The following RIMBP2 variants were observed in gnomAD, a reference collection of about 807,000 sequenced individuals.
RIMBP2 encodes the protein RIMS binding protein 2.
A neutral mutation model predicts 118.6 loss-of-function variants in RIMBP2; 48 were observed. The ratio of observed to expected loss-of-function variants is 0.40; its 90% CI spans 0.32 to 0.51. The LOEUF is 0.51. Among genes scored for constraint, RIMBP2 ranks in the 20% least tolerant of loss-of-function variants. RIMBP2 has a pLI of 0.41. For synonymous variants in RIMBP2, 762 were observed against 742.9 expected, an observed-to-expected ratio of 1.03 and a Z score of -0.42; for missense variants, 1,551 against 1,768.3, an observed-to-expected ratio of 0.88 and a Z score of 2.20.
In RIMBP2 at chr12:130,532,772, C is replaced by T. The variant is rs1466642943; in HGVS notation, c.-216-14855G>A. Among the ~76,000 whole-genome samples the T allele has an allele frequency of 1.6e-3, 162 of 103,738 alleles. No homozygotes were observed. In the Middle Eastern group the frequency reaches 0.022, roughly 14 times the overall value. The allele number at this position is 103,738 out of a possible 152,430, so 68.1% of individuals were successfully genotyped here. On this transcript the variant is annotated intron_variant, in intron 2 of 22. Coordinates refer to ENST00000690449, the MANE Select transcript of RIMBP2 (RefSeq NM_001393629.1). ...TTACATCTAATGAGATGCGTGTGTT[C>T]AGCCTCTAGGAGTTACGTCTAATGA...
At position 130,441,942 on chromosome 12, in the gene RIMBP2, C is replaced by T; in HGVS notation, c.1410G>A (p.Lys470=). 6.2e-7 allele frequency: 1 copy of T among 1,614,082 alleles called. No homozygotes were observed. Among genetic ancestry groups the T allele is most frequent in the Non-Finnish European group, 8.5e-7 (1 of 1,180,046 alleles). ...GCATCTGGTGGGGTTTGGCCAGAAC[C>T]TTCACCTTATAGGCCATGTTGGGCC... ...NLRPNMAYKV[K]VLAKPHQMPW... is the part of the protein sequence containing the mutation. Residue 470 remains lysine, a synonymous_variant, in exon 11 of 23, where the codon AAG becomes AAA. Transcript: ENST00000690449.
chr12:130,547,940 A>C (rs2055340776), intron 2 of RIMBP2, among the ~76,000 whole-genome samples: 1 of 152,188 alleles, frequency 6.6e-6, no homozygotes, highest in Non-Finnish European at 1.5e-5. Context: ...TGCCTACTGA[A>C]TGTCTTGTAA....
At chr12:130,522,921 AGAG>A (rs1229280795) in intron 2 of RIMBP2, among the ~76,000 whole-genome samples, 1 of 152,122 alleles carries the variant, frequency 6.6e-6, no homozygotes, top group Non-Finnish European at 1.5e-5. Flanking sequence ...GGGCTTTCTA[AGAG>A]GAGGACGATC....
At chr12:130,671,521 C>T (rs888070443) in intron 1 of RIMBP2, among the ~76,000 whole-genome samples, 2 of 152,218 alleles carry the variant, frequency 1.3e-5, no homozygotes, top group South Asian at 2.1e-4. Context: ...AGCCTATCCC[C>T]AGTGCCTAGA....
intron 20 of RIMBP2, among the ~76,000 whole-genome samples, chr12:130,406,499 C>T (rs2075185521): frequency 1.3e-5 from 2 of 152,160 alleles, no homozygotes; most frequent in African/African-American, 4.8e-5. Flanking sequence ...AGATTATTAC[C>T]ATGTTCTACT....
intron 2 of RIMBP2, among the ~76,000 whole-genome samples, chr12:130,598,856 C>T (rs1167470984): frequency 6.6e-6 from 1 of 152,020 alleles, no homozygotes; most frequent in Non-Finnish European, 1.5e-5. Flanking sequence ...CATAAATAGA[C>T]CCACAAATGT....
At chr12:130,521,684 A>G (rs1020051216) in intron 2 of RIMBP2, among the ~76,000 whole-genome samples, 1 of 152,194 alleles carries the variant, frequency 6.6e-6, no homozygotes, top group Non-Finnish European at 1.5e-5. Flanking sequence ...TGACTCCCAC[A>G]CTGCTGGGAC....
chr12:130,421,691 ATGTGTGTGTGTGTG>A (rs35161782), intron 17 of RIMBP2, among the ~76,000 whole-genome samples: 17 of 147,296 alleles, frequency 1.2e-4, no homozygotes, highest in Non-Finnish European at 1.9e-4. Context: ...CTGCATTTAT[ATGTGTGTGTGTGTG>A]TGTGTGTGTG....
rs188477979 is a variant in RIMBP2, at chr12:130,406,408, C to A, written c.3694-165G>T. ...GCTAATGAATGGCTCTGTCCACAGT[C>A]TTCTAGAAAGTAAGAACAAACCAAG... is the stretch of plus-strand genomic sequence containing the variant. On this transcript the variant is annotated intron_variant, in intron 20 of 22. Transcript: ENST00000690449. 5.3e-5 allele frequency among the ~76,000 whole-genome samples: 8 copies of A among 152,296 alleles called. No homozygotes were observed. The East Asian group carries it at 7.7e-4, about 15-fold the overall frequency.
At chr12:130,412,914 C>T (rs949222733) in intron 18 of RIMBP2, 127 bp from the exon 19 acceptor site, 20 of 919,386 alleles carry the variant, frequency 2.2e-5, no homozygotes, top group Non-Finnish European at 2.7e-5. Context: ...TACCATAAAT[C>T]ACCTGCATAG....
chr12:130,506,296 AT>A (rs1236393060), intron 4 of RIMBP2, among the ~76,000 whole-genome samples: 3 of 152,168 alleles, frequency 2.0e-5, no homozygotes, highest in Non-Finnish European at 4.4e-5. Context: ...GCAGCTTAAA[AT>A]TCCTGAAGTT....
intron 22 of RIMBP2, chr12:130,398,678 A>C (rs1362804194): frequency 6.6e-6 from 1 of 152,570 alleles, no homozygotes; most frequent in African/African-American, 2.4e-5. Context: ...TTCAGAGCCA[A>C]CACTCGATCA....
Position 130,684,578 on chromosome 12 carries a change from G to A in RIMBP2, c.-352+31644C>T, listed in dbSNP as rs143835633. ...GTGTTTCCAGGCTGTAGATGTTTAC[G>A]GTTAAGATAACAGTTTGATAACATT... On this transcript the variant is annotated intron_variant, in intron 1 of 22. Coordinates refer to ENST00000690449, the MANE Select transcript of RIMBP2 (RefSeq NM_001393629.1). 3.3e-3 allele frequency among the ~76,000 whole-genome samples: 509 copies of A among 152,250 alleles called. 4 individuals are homozygous for A. Among genetic ancestry groups the A allele is most frequent in the African/African-American group, 0.012 (482 of 41,542 alleles).
chr12:130,561,605 A>G (rs1221426469), intron 2 of RIMBP2, among the ~76,000 whole-genome samples: 1 of 152,140 alleles, frequency 6.6e-6, no homozygotes, highest in Non-Finnish European at 1.5e-5. Flanking sequence ...TGAATCACAT[A>G]CAGAATACGG....
At chr12:130,546,938 C>A (rs986230682) in intron 2 of RIMBP2, among the ~76,000 whole-genome samples, 1 of 152,198 alleles carries the variant, frequency 6.6e-6, no homozygotes, top group Non-Finnish European at 1.5e-5. Flanking sequence ...TGTGAGATGA[C>A]TCCTCCACTG....
At chr12:130,679,678 A>G (rs529103692) in intron 1 of RIMBP2, among the ~76,000 whole-genome samples, 4 of 152,362 alleles carry the variant, frequency 2.6e-5, no homozygotes, top group Non-Finnish European at 4.4e-5. Context: ...TAAAAAACAA[A>G]CACTCTGTAC....
At chr12:130,573,121 A>G (rs7307029) in intron 2 of RIMBP2, among the ~76,000 whole-genome samples, 70,377 of 152,008 alleles carry the variant, frequency 0.46, 17,154 homozygotes, top group Middle Eastern at 0.58. Flanking sequence ...TCAGTGAAGC[A>G]ACACTGCAGG....
At chr12:130,582,570 A>G (rs1241290806) in intron 2 of RIMBP2, among the ~76,000 whole-genome samples, 1 of 152,244 alleles carries the variant, frequency 6.6e-6, no homozygotes, top group Non-Finnish European at 1.5e-5. Context: ...GCCAGCTTAG[A>G]GATGGTTGTG....
chr12:130,458,263 ATTC>A (rs375963441), intron 6 of RIMBP2, among the ~76,000 whole-genome samples: 295 of 152,286 alleles, frequency 1.9e-3, no homozygotes, highest in African/African-American at 6.8e-3. Flanking sequence ...AATCAGCAGT[ATTC>A]TTCTTTAAAA....
Sources: gnomAD v4.1 joint callset for allele counts (sites outside exome capture counted in the v4.1 genomes callset) on GRCh38, gnomAD v4.1.1 for gene constraint, MANE v1.5 for transcripts, NCBI Gene and HGNC (gene_info 2026-07-23, HGNC 2026-07-21) for gene names.